Variants in FOCAD observed in about 807,000 individuals in gnomAD.
The protein encoded by FOCAD is focadhesin.
Under a neutral mutation model 225.6 loss-of-function variants are expected in FOCAD, and 198 were observed. The observed-to-expected ratio is 0.88, with a 90% confidence interval of 0.78 to 0.99. The LOEUF (loss-of-function observed/expected upper bound fraction) is 0.99. FOCAD is among the 50% of genes least tolerant of loss of function. The pLI is 0.00. For missense variants in FOCAD, 2,713 were observed against 2,123.6 expected (o/e 1.28, Z -5.46); for synonymous variants, 897 against 755.0 (o/e 1.19, Z -3.08).
chr9:20,936,106 C>T (rs902165033), intron 28 of FOCAD, among the ~76,000 whole-genome samples: 1 of 152,120 alleles, frequency 6.6e-6, no homozygotes, highest in Non-Finnish European at 1.5e-5. Flanking sequence ...GGAGCAACAT[C>T]GTAGTTTTTT....
At chr9:20,711,646 G>T (rs1224076356) in intron 1 of FOCAD, among the ~76,000 whole-genome samples, 1 of 152,206 alleles carries the variant, frequency 6.6e-6, no homozygotes, top group East Asian at 1.9e-4. Flanking sequence ...GAGAGTGGTG[G>T]TGAACGAAAT....
At chr9:20,690,835 T>C (rs1361848815) in intron 1 of FOCAD, among the ~76,000 whole-genome samples, 2 of 151,902 alleles carry the variant, frequency 1.3e-5, no homozygotes, top group East Asian at 3.9e-4. Flanking sequence ...GGAGGCACCA[T>C]GCCTGGCCCT....
rs1198993173 is a variant in FOCAD, at chr9:20,822,984, T to C, written c.1794-5T>C. On this transcript the variant is annotated splice_polypyrimidine_tract_variant and splice_region_variant and intron_variant, in intron 14 of 43. Transcript: ENST00000338382. ...ATTTTGCTTTTAAACTTTCATTTCT[T>C]GTAGGCCATATCAACATGGTGCAGA... 1 of 1,580,372 alleles carries C rather than the reference T, an allele frequency of 6.3e-7. No individual in the cohort carries two copies. The highest frequency in any genetic ancestry group is 2.0e-5 in the Admixed American group (1 of 50,912).
chr9:20,928,339 A>G (rs1252368042), intron 26 of FOCAD, among the ~76,000 whole-genome samples: 4 of 152,192 alleles, frequency 2.6e-5, no homozygotes, highest in African/African-American at 9.6e-5. Context: ...TCATTAAAAC[A>G]GTGCTATATT....
intron 15 of FOCAD, among the ~76,000 whole-genome samples, chr9:20,854,508 T>G (rs750602938): frequency 6.6e-6 from 1 of 151,752 alleles, no homozygotes; most frequent in Non-Finnish European, 1.5e-5. Flanking sequence ...ATCAGAGACC[T>G]GGATTTCTGA....
intron 4 of FOCAD, among the ~76,000 whole-genome samples, chr9:20,735,655 A>G (rs1827095309): frequency 6.6e-6 from 1 of 150,934 alleles, no homozygotes; most frequent in African/African-American, 2.4e-5. Context: ...AGCTAGGACT[A>G]CAAGTGTGTG....
rs148021415 is a variant in FOCAD at position 20,919,625 on chromosome 9, C to T, written c.2852+2688C>T. ...GTACCAAAACAGAGATATACACCAA[C>T]GGAACAGAACAGAGCTCTCAGAAAT... On this transcript the variant is annotated intron_variant, in intron 24 of 43. Coordinates refer to ENST00000338382, the MANE Select transcript of FOCAD (RefSeq NM_001375567.1). Among the ~76,000 whole-genome samples the T allele has an allele frequency of 2.2e-4, 34 of 152,234 alleles. No individual in the cohort carries two copies. In the East Asian group the frequency reaches 2.7e-3, roughly 12 times the overall value.
intron 5 of FOCAD, among the ~76,000 whole-genome samples, chr9:20,752,150 C>G (rs1828617807): frequency 6.6e-6 from 1 of 150,600 alleles, no homozygotes. Context: ...TGTGCAGAAG[C>G]TCTTTAGTTT....
At chr9:20,713,688 G>A (rs1825062308) in intron 1 of FOCAD, among the ~76,000 whole-genome samples, 2 of 152,162 alleles carry the variant, frequency 1.3e-5, no homozygotes, top group Admixed American at 1.3e-4. Flanking sequence ...CACACAATAG[G>A]CAACTAATAA....
At chr9:20,793,845 C>A (rs777099309) in intron 11 of FOCAD, among the ~76,000 whole-genome samples, 1 of 152,100 alleles carries the variant, frequency 6.6e-6, no homozygotes, top group Admixed American at 6.5e-5. Flanking sequence ...GAATTTTGCT[C>A]AAGGGAAAAT....
At chr9:20,876,943 T>C (rs1425160263) in intron 19 of FOCAD, among the ~76,000 whole-genome samples, 1 of 152,188 alleles carries the variant, frequency 6.6e-6, no homozygotes, top group Non-Finnish European at 1.5e-5. Context: ...TAAATAGAGA[T>C]GTTACTGCTA....
At chr9:20,808,429 A>G (rs1822697037) in intron 11 of FOCAD, among the ~76,000 whole-genome samples, 1 of 152,170 alleles carries the variant, frequency 6.6e-6, no homozygotes, top group Admixed American at 6.5e-5. Context: ...CTGTGACCCT[A>G]AGTATACTGG....
chr9:20,993,163 C>A, intron 42 of FOCAD, 90 bp from the exon 43 acceptor site: 1 of 1,058,500 alleles, frequency 9.4e-7, no homozygotes, highest in Non-Finnish European at 1.4e-6. Context: ...GCAGGAAAAT[C>A]ACCTCATATA....
intron 15 of FOCAD, among the ~76,000 whole-genome samples, chr9:20,834,172 C>G (rs1260081126): frequency 6.6e-6 from 1 of 151,978 alleles, no homozygotes; most frequent in Non-Finnish European, 1.5e-5. Context: ...AACTGGATGC[C>G]CTTATCCTCA....
chr9:20,905,991 T>G (rs1273486251), intron 21 of FOCAD, among the ~76,000 whole-genome samples: 2 of 151,900 alleles, frequency 1.3e-5, no homozygotes, highest in Admixed American at 1.3e-4. Context: ...CAGTAAGAAT[T>G]AATCTCTTTG....
At chr9:20,710,947 G>A (rs1824797698) in intron 1 of FOCAD, among the ~76,000 whole-genome samples, 1 of 152,182 alleles carries the variant, frequency 6.6e-6, no homozygotes, top group Admixed American at 6.5e-5. Context: ...TGTAAATAAA[G>A]TTTGATCAGA....
Position 20,764,939 on chromosome 9 carries a change from C to G in FOCAD, c.565C>G (p.Gln189Glu). The G allele has an allele frequency of 6.2e-7, 1 of 1,614,082 alleles. No individual in the cohort carries two copies. The highest frequency in any genetic ancestry group is 2.2e-5 in the East Asian group (1 of 44,868). ...TCTGTATTGTGAACCATCTCAGTTA[C>G]AAGAATATGCTAAACTCCGACTAGC... Reference protein sequence around the residue: ...WYLYCEPSQLQEYAKLRLALL... With the variant: ...WYLYCEPSQLEEYAKLRLALL... The change falls in exon 7 of 44, where the codon CAA becomes GAA. Residue 189 changes from glutamine (Q) to glutamate (E), a missense_variant. Physicochemically the swap from Gln to Glu is conservative, Grantham distance 29. Coordinates refer to ENST00000338382, the MANE Select transcript of FOCAD (RefSeq NM_001375567.1).
At chr9:20,935,373 A>G (rs1346679835) in intron 28 of FOCAD, among the ~76,000 whole-genome samples, 1 of 152,120 alleles carries the variant, frequency 6.6e-6, no homozygotes, top group Non-Finnish European at 1.5e-5. Flanking sequence ...TGGATGCATG[A>G]CTTAATCTTT....
rs569912187 is a variant in FOCAD at position 20,727,042 on chromosome 9, TGATATTA to T, written c.287+6509_287+6515del. On this transcript the variant is annotated intron_variant, in intron 4 of 43. Transcript: ENST00000338382. ...GTGGTTTCAAGGTTTATATTTATAT[TGATATTA>T]TGGCTTATTTAACTTTTAGTAGAGA... Among the ~76,000 whole-genome samples, 346 of 152,274 alleles carry T rather than the reference TGATATTA, an allele frequency of 2.3e-3. 2 individuals are homozygous for T. Among genetic ancestry groups the T allele is most frequent in the African/African-American group, 8.1e-3 (338 of 41,546 alleles).
Sources: allele counts gnomAD v4.1 joint callset (sites outside exome capture counted in the v4.1 genomes callset), GRCh38; gene constraint gnomAD v4.1.1; transcripts MANE v1.5; gene names NCBI Gene and HGNC (gene_info 2026-07-23, HGNC 2026-07-21).